The following PCLO variants were observed in gnomAD, a reference collection of about 807,000 sequenced individuals.
PCLO encodes the protein piccolo presynaptic cytomatrix protein.
Under a neutral mutation model 427.5 loss-of-function variants are expected in PCLO, and 82 were observed. The observed-to-expected ratio is 0.19, with a 90% CI of 0.16 to 0.23. The LOEUF (loss-of-function observed/expected upper bound fraction) is 0.23, where lower values mean the gene tolerates loss of function less well. Ranked by LOEUF, PCLO falls within the 10% of genes least tolerant of loss-of-function variation. PCLO has a pLI of 1.00. For synonymous variants in PCLO, 2,357 were observed against 2,155.4 expected (o/e 1.09, Z -2.59); for missense variants, 6,239 against 6,115.9 (o/e 1.02, Z -0.67).
At chr7:82,937,318 G>C (rs1437038848) in intron 6 of PCLO, among the ~76,000 whole-genome samples, 2 of 148,398 alleles carry the variant, frequency 1.3e-5, no homozygotes, top group African/African-American at 4.9e-5. Flanking sequence ...GGTAATGCCT[G>C]TTAACATCCA....
At chr7:82,868,093 T>G (rs554869104) in intron 10 of PCLO, 2 of 456,082 alleles carry the variant, frequency 4.4e-6, no homozygotes, top group Non-Finnish European at 8.8e-6. Context: ...CTCATGCTAA[T>G]GACCAATCCG....
rs1791699443 is a variant in PCLO at position 83,135,411 on chromosome 7, A to G, written c.2139T>C (p.His713=). ...GCTTGGCCTTGGCTGAAGGAGAGCC[A>G]TGAAGGGTTGGTTGTTTCACTAGTG... ...PPPLVKQPTL[H]GSPSAKAKQP... Residue 713 remains histidine (H), a synonymous_variant, in exon 3 of 25, where the codon CAT becomes CAC. Transcript: ENST00000333891. 2 of 1,613,946 alleles carry G rather than the reference A, an allele frequency of 1.2e-6. No homozygotes were observed. The highest frequency in any genetic ancestry group is 2.2e-5 in the East Asian group (1 of 44,864).
Position 82,824,292 on chromosome 7 carries a change from G to A in PCLO, c.14540C>T (p.Pro4847Leu), listed in dbSNP as rs1360171125. Residue 4847 changes from proline (P) to leucine (L), a missense_variant, in exon 19 of 25, where the codon CCA becomes CTA. Physicochemically the swap from Pro to Leu is moderately conservative, Grantham distance 98 (BLOSUM62 -3). This residue lies in a region of PCLO where 877 missense variants were observed against 925.5 expected (regional missense o/e 0.95). Coordinates refer to ENST00000333891, the MANE Select transcript of PCLO (RefSeq NM_033026.6). ...SHSSQSSQQS[P>L]KPSVIKSRSH... ...TCTGCTTTTGATAACAGATGGCTTT[G>A]GGGACTGCTGGCTGCTCTGACTGGA... The A allele has an allele frequency of 6.2e-7, 1 of 1,613,258 alleles. No homozygotes were observed. Among genetic ancestry groups the A allele is most frequent in the Admixed American group, 1.7e-5 (1 of 59,908 alleles).
chr7:82,992,940 G>A (rs1005435892), intron 3 of PCLO, among the ~76,000 whole-genome samples: 13 of 151,874 alleles, frequency 8.6e-5, no homozygotes, highest in Admixed American at 3.3e-4. Context: ...GTGTTTGAGG[G>A]CCACTTAAAT....
intron 10 of PCLO, among the ~76,000 whole-genome samples, chr7:82,872,767 G>A (rs1402005002): frequency 6.6e-6 from 1 of 152,098 alleles, no homozygotes; most frequent in Non-Finnish European, 1.5e-5. Flanking sequence ...TCAAACTGCA[G>A]CGGAGACATA....
intron 3 of PCLO, among the ~76,000 whole-genome samples, chr7:83,038,053 T>TAATATATATTTTTA (rs1554382433): frequency 4.2e-4 from 19 of 44,768 alleles, no homozygotes; most frequent in African/African-American, 1.9e-3. Flanking sequence ...ATATATATCT[T>TAATATATATTTTTA]TATATATATA....
At chr7:83,003,375 A>G in intron 3 of PCLO, among the ~76,000 whole-genome samples, 1 of 151,754 alleles carries the variant, frequency 6.6e-6, no homozygotes, top group Admixed American at 6.6e-5. Context: ...ATACTCAACA[A>G]ATATTTAATG....
intron 6 of PCLO, among the ~76,000 whole-genome samples, chr7:82,937,619 C>T (rs977774675): frequency 6.6e-6 from 1 of 151,566 alleles, no homozygotes. Context: ...ATTTTAAATG[C>T]TCAATGCTAG....
rs1795317319 is a variant in PCLO at position 82,950,629 on chromosome 7, T to C, written c.9959A>G (p.Tyr3320Cys). The change falls in exon 6 of 25, where the codon TAT (tyrosine) becomes TGT (cysteine). Residue 3320 changes from tyrosine to cysteine, a missense_variant. By Grantham distance (194) the Tyr-to-Cys change is radical (BLOSUM62 -2). Coordinates refer to ENST00000333891, the MANE Select transcript of PCLO (RefSeq NM_033026.6). The stretch of plus-strand genomic sequence containing the variant: ...TGGAGAAGCAGTTCCAGAAGGGTCA[T>C]AGTTATACTGGTAGATCTGCCGAAT... ...QKIRQIYQYN[Y>C]DPSGTASPQT... 3 of 1,613,846 alleles carry C rather than the reference T, an allele frequency of 1.9e-6. No individual in the cohort carries two copies. The highest frequency in any genetic ancestry group is 2.2e-5 in the East Asian group (1 of 44,844).
rs1007035684 is a variant in PCLO at position 82,949,490 on chromosome 7, T to G, written c.11098A>C (p.Thr3700Pro). 3 of 1,603,550 alleles carry G rather than the reference T, an allele frequency of 1.9e-6. No individual in the cohort carries two copies. The African/African-American group carries it at 4.0e-5, about 22-fold the overall frequency. ...DESSRAPFQYTEGYTTKGSQT... is the reference protein window; with the variant it reads ...DESSRAPFQYPEGYTTKGSQT... ...ATCACTCTTACCGTATAGCCCTCGG[T>G]ATACTGAAAAGGAGCCCTGGAACTT... is the stretch of plus-strand genomic sequence containing the variant. The change falls in exon 6 of 25, where the codon ACC (threonine) becomes CCC (proline). Residue 3700 changes from threonine to proline, a missense_variant. This residue lies in a region of PCLO where 4,677 missense variants were observed against 4,468.4 expected (regional missense o/e 1.05). Coordinates refer to ENST00000333891, the MANE Select transcript of PCLO (RefSeq NM_033026.6).
intron 3 of PCLO, among the ~76,000 whole-genome samples, chr7:83,038,008 T>G: frequency 2.3e-5 from 1 of 43,040 alleles, no homozygotes; most frequent in African/African-American, 1.5e-4. Flanking sequence ...TATATATATA[T>G]ATATATATAT....
chr7:82,805,360 T>C (rs1671267422), intron 21 of PCLO, among the ~76,000 whole-genome samples: 1 of 152,190 alleles, frequency 6.6e-6, no homozygotes. Flanking sequence ...ACCAGTAATG[T>C]TTGTATTTGG....
intron 20 of PCLO, among the ~76,000 whole-genome samples, chr7:82,811,985 A>G (rs1043589902): frequency 6.6e-6 from 1 of 151,480 alleles, no homozygotes; most frequent in Non-Finnish European, 1.5e-5. Flanking sequence ...GTCATGAGAA[A>G]TGGAATGTTG....
chr7:82,893,543 G>A (rs76439332), intron 9 of PCLO, among the ~76,000 whole-genome samples: 10,072 of 151,694 alleles, frequency 0.066, 463 homozygotes, highest in East Asian at 0.19. Flanking sequence ...TTCACGTTGT[G>A]CACATGTACC....
At chr7:82,775,443 A>G (rs1464488715) in intron 22 of PCLO, among the ~76,000 whole-genome samples, 1 of 152,166 alleles carries the variant, frequency 6.6e-6, no homozygotes, top group Non-Finnish European at 1.5e-5. Context: ...ATGGGTGTGT[A>G]GGGGTATATC....
intron 10 of PCLO, among the ~76,000 whole-genome samples, chr7:82,867,345 C>T (rs1223966694): frequency 6.6e-6 from 1 of 152,180 alleles, no homozygotes; most frequent in East Asian, 1.9e-4. Context: ...AATTTGATAA[C>T]AATTTTGCCA....
rs182564755 is a variant in PCLO, at chr7:82,942,010, C to T, written c.11112+7466G>A. ...CCTGGCCAACATGGTGAAACCCTATCTCTACTAAAAATACAAAAATTAGCT... is the reference window on the plus strand; with the variant it reads ...CCTGGCCAACATGGTGAAACCCTATTTCTACTAAAAATACAAAAATTAGCT... On this transcript the variant is annotated intron_variant, in intron 6 of 24. Transcript: ENST00000333891. 3.0e-3 allele frequency among the ~76,000 whole-genome samples: 450 copies of T among 152,234 alleles called. 2 individuals carry two copies. The highest frequency in any genetic ancestry group is 0.01 in the African/African-American group (433 of 41,538).
chr7:82,999,428 A>G (rs1472627791), intron 3 of PCLO, among the ~76,000 whole-genome samples: 2 of 128,694 alleles, frequency 1.6e-5, no homozygotes, highest in African/African-American at 2.9e-5. Context: ...TATATTATAT[A>G]TTTTATTATA....
intron 22 of PCLO, among the ~76,000 whole-genome samples, chr7:82,781,677 G>C (rs1444997797): frequency 6.6e-6 from 1 of 152,126 alleles, no homozygotes; most frequent in Non-Finnish European, 1.5e-5. Context: ...TCAGGAAATA[G>C]AATCTCTCTC....
Sources: allele counts gnomAD v4.1 joint callset (sites outside exome capture counted in the v4.1 genomes callset), GRCh38; gene constraint gnomAD v4.1.1; regional missense constraint gnomAD v4.1.1; transcripts MANE v1.5; gene names NCBI Gene and HGNC (gene_info 2026-07-23, HGNC 2026-07-21).